RBFOX2: variants seen among roughly 807,000 people sequenced by gnomAD.
RBFOX2 encodes RNA binding fox-1 homolog 2, also known as RNA binding protein fox-1 homolog 2.
A neutral mutation model predicts 49.1 loss-of-function variants in RBFOX2; 10 were observed. The observed-to-expected ratio is 0.20, with a 90% CI of 0.13 to 0.35. The LOEUF (loss-of-function observed/expected upper bound fraction) is 0.35. Ranked by LOEUF, RBFOX2 falls within the 10% of genes least tolerant of loss-of-function variation. RBFOX2 has a pLI of 1.00. For synonymous variants in RBFOX2, 183 were observed against 187.4 expected (o/e 0.98, Z 0.19); for missense variants, 323 against 486.9 (o/e 0.66, Z 3.17).
chr22:35,820,176 C>G (rs1002439627), intron 1 of RBFOX2, among the ~76,000 whole-genome samples: 1 of 152,182 alleles, frequency 6.6e-6, no homozygotes, highest in Non-Finnish European at 1.5e-5. Context: ...AGCTTTTACA[C>G]TCCACTGAGA....
chr22:35,869,797 A>T (rs1328539702), intron 1 of RBFOX2, among the ~76,000 whole-genome samples: 6 of 152,204 alleles, frequency 3.9e-5, no homozygotes, highest in Non-Finnish European at 8.8e-5. Context: ...CCAAAGTGGA[A>T]ATTCTTTTAG....
chr22:36,009,183 C>A (rs141509349), intron 1 of RBFOX2, among the ~76,000 whole-genome samples: 1 of 152,160 alleles, frequency 6.6e-6, no homozygotes, highest in Admixed American at 6.5e-5. Flanking sequence ...TGGTCTCTGG[C>A]GCCCGTGCTT....
intron 1 of RBFOX2, among the ~76,000 whole-genome samples, chr22:35,858,687 G>A (rs779276305): frequency 3.3e-5 from 5 of 151,894 alleles, no homozygotes; most frequent in Admixed American, 6.6e-5. Flanking sequence ...ATAGCTGGGC[G>A]TGGTGGTGGG....
At chr22:35,876,006 G>A (rs2045030873) in intron 1 of RBFOX2, among the ~76,000 whole-genome samples, 1 of 151,936 alleles carries the variant, frequency 6.6e-6, no homozygotes, top group Non-Finnish European at 1.5e-5. Flanking sequence ...GAATTCAAAG[G>A]AAAATGAGAG....
chr22:35,830,581 C>T (rs1485853325), intron 1 of RBFOX2, among the ~76,000 whole-genome samples: 4 of 152,178 alleles, frequency 2.6e-5, no homozygotes, highest in South Asian at 2.1e-4. Context: ...TATATGGCAT[C>T]GCCTATTGCT....
chr22:35,779,977 C>T (rs1460436534), intron 3 of RBFOX2, among the ~76,000 whole-genome samples: 1 of 152,124 alleles, frequency 6.6e-6, no homozygotes, highest in African/African-American at 2.4e-5. Flanking sequence ...TCTCACAGAC[C>T]TCCAGAGACT....
intron 1 of RBFOX2, among the ~76,000 whole-genome samples, chr22:35,870,029 T>G (rs1241188315): frequency 6.6e-6 from 1 of 152,228 alleles, no homozygotes; most frequent in South Asian, 2.1e-4. Flanking sequence ...TCATTTCTGA[T>G]TGAGATCATG....
chr22:35,828,418 G>A (rs939067009), intron 1 of RBFOX2, among the ~76,000 whole-genome samples: 6 of 152,330 alleles, frequency 3.9e-5, no homozygotes, highest in Middle Eastern at 3.4e-3. Context: ...GATAGACCTA[G>A]AAGTCTGGAG....
At chr22:35,950,131 T>A (rs2149834593) in intron 1 of RBFOX2, among the ~76,000 whole-genome samples, 1 of 149,178 alleles carries the variant, frequency 6.7e-6, no homozygotes, top group East Asian at 2.0e-4. Flanking sequence ...TTTTTTTGCA[T>A]GTGTCTTACT....
At chr22:35,793,040 A>C (rs1299083972) in intron 2 of RBFOX2, among the ~76,000 whole-genome samples, 1 of 152,236 alleles carries the variant, frequency 6.6e-6, no homozygotes, top group Non-Finnish European at 1.5e-5. Context: ...CTGGGATTAC[A>C]GGTGCATGCC....
At chr22:35,814,861 C>T (rs1360749276) in intron 1 of RBFOX2, among the ~76,000 whole-genome samples, 2 of 151,962 alleles carry the variant, frequency 1.3e-5, no homozygotes, top group African/African-American at 4.8e-5. Flanking sequence ...TTGAGACCAA[C>T]CTGGGCAATG....
intron 1 of RBFOX2, among the ~76,000 whole-genome samples, chr22:35,829,052 AAAAAC>A (rs1290003688): frequency 6.6e-6 from 1 of 152,204 alleles, no homozygotes; most frequent in Non-Finnish European, 1.5e-5. Flanking sequence ...CTCCATCTCA[AAAAAC>A]AAACAACAAA....
chr22:35,964,911 T>G (rs1209025766), upstream of RBFOX2, among the ~76,000 whole-genome samples: 1 of 152,242 alleles, frequency 6.6e-6, no homozygotes, highest in East Asian at 1.9e-4. Context: ...TCAAATATTA[T>G]AATCAGATTT....
At chr22:35,928,757 G>T (rs922053620) in intron 1 of RBFOX2, among the ~76,000 whole-genome samples, 1 of 151,992 alleles carries the variant, frequency 6.6e-6, no homozygotes, top group Non-Finnish European at 1.5e-5. Context: ...TCAATAAGAA[G>T]AAAAACCAAA....
At chr22:35,785,773 T>C (rs1337239888) in intron 2 of RBFOX2, among the ~76,000 whole-genome samples, 3 of 152,202 alleles carry the variant, frequency 2.0e-5, no homozygotes, top group Admixed American at 2.0e-4. Context: ...TATGAAGCAA[T>C]GTTCTGTGAA....
intron 1 of RBFOX2, among the ~76,000 whole-genome samples, chr22:35,958,703 TA>T (rs1251478384): frequency 6.6e-6 from 1 of 152,204 alleles, no homozygotes; most frequent in African/African-American, 2.4e-5. Flanking sequence ...GGAACCAATC[TA>T]AAAGACTTCA....
intron 1 of RBFOX2, among the ~76,000 whole-genome samples, chr22:35,935,587 A>G (rs1178371905): frequency 6.6e-6 from 1 of 152,206 alleles, no homozygotes; most frequent in Non-Finnish European, 1.5e-5. Flanking sequence ...TAACAAACTT[A>G]GTAGTAATAA....
intron 1 of RBFOX2, among the ~76,000 whole-genome samples, chr22:35,886,707 C>T (rs1385603211): frequency 6.6e-6 from 1 of 152,176 alleles, no homozygotes; most frequent in Non-Finnish European, 1.5e-5. Context: ...TTTATACACT[C>T]TTATGAAACC....
intron 1 of RBFOX2, among the ~76,000 whole-genome samples, chr22:35,872,031 A>G (rs1299637171): frequency 6.6e-6 from 1 of 152,222 alleles, no homozygotes; most frequent in African/African-American, 2.4e-5. Context: ...ATGATGCTAG[A>G]GTTCAAATCA....
Sources: gnomAD v4.1 joint callset for allele counts (sites outside exome capture counted in the v4.1 genomes callset) on GRCh38, gnomAD v4.1.1 for gene constraint, MANE v1.5 for transcripts, NCBI Gene and HGNC (gene_info 2026-07-23, HGNC 2026-07-21) for gene names.